PPHLN1: variants seen among roughly 807,000 people sequenced by gnomAD.
PPHLN1 encodes the protein periphilin 1.
In PPHLN1, 29 loss-of-function variants were observed where a neutral mutation model predicts 51.3. The observed-to-expected ratio is 0.57, with a 90% CI of 0.42 to 0.77. PPHLN1 has a LOEUF of 0.77. PPHLN1 is among the 30% of genes least tolerant of loss of function. The probability of loss-of-function intolerance (pLI) is 0.00; values close to 1 mark genes in which losing one functional copy is unlikely to be tolerated. For missense variants in PPHLN1, 436 were observed against 438.4 expected, an observed-to-expected ratio of 0.99 and a Z score of 0.05; for synonymous variants, 147 against 147.8, an observed-to-expected ratio of 0.99 and a Z score of 0.04.
At chr12:42,367,875 C>T (rs1236990005) in intron 4 of PPHLN1, among the ~76,000 whole-genome samples, 2 of 152,154 alleles carry the variant, frequency 1.3e-5, no homozygotes, top group African/African-American at 4.8e-5. Flanking sequence ...GCTGGGACTA[C>T]AGGTGTGCAC....
chr12:42,362,085 A>T (rs61926575), intron 4 of PPHLN1, among the ~76,000 whole-genome samples: 24,755 of 152,148 alleles, frequency 0.16, 2,068 homozygotes, highest in Admixed American at 0.2. Context: ...ACCATCCTCA[A>T]GAGTGTAAAG....
chr12:42,426,228 A>ACACACACACACACACACC (rs371819974), intron 9 of PPHLN1, among the ~76,000 whole-genome samples: 2 of 129,788 alleles, frequency 1.5e-5, no homozygotes, highest in Admixed American at 7.5e-5. Flanking sequence ...ACACACACAC[A>ACACACACACACACACACC]CCCTCATGCA....
intron 2 of PPHLN1, among the ~76,000 whole-genome samples, chr12:42,340,143 CAA>C (rs563098932): frequency 6.6e-6 from 1 of 151,436 alleles, no homozygotes; most frequent in Non-Finnish European, 1.5e-5. Flanking sequence ...CCTGTCTCTA[CAA>C]AAAATTTTAA....
chr12:42,340,179 A>C (rs563807676), intron 2 of PPHLN1, among the ~76,000 whole-genome samples: 1 of 151,888 alleles, frequency 6.6e-6, no homozygotes, highest in Non-Finnish European at 1.5e-5. Flanking sequence ...ATAGTAGCGC[A>C]TGCCTGTAGT....
At position 42,384,990 on chromosome 12, in the gene PPHLN1, G is replaced by A. The variant is rs2077072648; in HGVS notation, c.562G>A (p.Glu188Lys). Residue 188 changes from glutamate (E) to lysine (K), a missense_variant, in exon 6 of 10, where the codon GAA becomes AAA. Coordinates refer to ENST00000358314, the MANE Select transcript of PPHLN1 (RefSeq NM_201439.2). ...CAAACGGCAGAATGAAGGAAATCCTGAAAGAGGTGAGTTTTGAGCTAGACT... is the reference window on the plus strand; with the variant it reads ...CAAACGGCAGAATGAAGGAAATCCTAAAAGAGGTGAGTTTTGAGCTAGACT... ...SYKRQNEGNP[E>K]RDKERPVQSL... is the part of the protein sequence containing the mutation. 6.2e-7 allele frequency: 1 copy of A among 1,608,260 alleles called. No homozygotes were observed. The highest frequency in any genetic ancestry group is 8.5e-7 in the Non-Finnish European group (1 of 1,174,698).
intron 4 of PPHLN1, among the ~76,000 whole-genome samples, chr12:42,356,529 A>G (rs184538250): frequency 2.0e-5 from 3 of 152,306 alleles, no homozygotes; most frequent in East Asian, 1.9e-4. Context: ...AGCTACAGAA[A>G]CTGTTCAGTG....
chr12:42,367,988 C>T (rs1669914), intron 4 of PPHLN1, among the ~76,000 whole-genome samples: 41,725 of 152,116 alleles, frequency 0.27, 7,255 homozygotes, highest in Non-Finnish European at 0.38. Context: ...CATCCCGCCT[C>T]GGCCTCCCGA....
chr12:42,390,075 T>C (rs2077557157), intron 7 of PPHLN1, among the ~76,000 whole-genome samples: 1 of 152,218 alleles, frequency 6.6e-6, no homozygotes, highest in Non-Finnish European at 1.5e-5. Context: ...GGTTGTTACA[T>C]CTGTTACCTG....
chr12:42,334,703 C>T (rs2070326521), intron 1 of PPHLN1, among the ~76,000 whole-genome samples: 1 of 152,168 alleles, frequency 6.6e-6, no homozygotes, highest in Admixed American at 6.5e-5. Flanking sequence ...CTACCTGGAC[C>T]ATTTTCATTT....
chr12:42,415,660 G>A (rs1007932672), intron 9 of PPHLN1, among the ~76,000 whole-genome samples: 2 of 152,188 alleles, frequency 1.3e-5, no homozygotes, highest in African/African-American at 4.8e-5. Flanking sequence ...CACTGTATTA[G>A]CGTATCACTC....
At chr12:42,352,915 C>T (rs1337693338) in intron 3 of PPHLN1, among the ~76,000 whole-genome samples, 2 of 151,670 alleles carry the variant, frequency 1.3e-5, no homozygotes, top group African/African-American at 2.4e-5. Context: ...ATGGTGAAAC[C>T]CTGTCTCTAC....
chr12:42,404,579 T>C (rs368840918), intron 9 of PPHLN1, among the ~76,000 whole-genome samples: 3 of 145,666 alleles, frequency 2.1e-5, no homozygotes, highest in South Asian at 2.2e-4. Context: ...GTTTGTGATA[T>C]AGGTTTACCT....
chr12:42,378,696 A>G (rs1245204516), intron 5 of PPHLN1, among the ~76,000 whole-genome samples: 2 of 152,126 alleles, frequency 1.3e-5, no homozygotes, highest in African/African-American at 4.8e-5. Context: ...ACATTTTTAA[A>G]TTCAACTGCT....
At chr12:42,334,721 A>G (rs1441768534) in intron 1 of PPHLN1, among the ~76,000 whole-genome samples, 3 of 152,132 alleles carry the variant, frequency 2.0e-5, no homozygotes, top group African/African-American at 7.2e-5. Flanking sequence ...TTTTTTGCTC[A>G]TGGTGGTTCT....
chr12:42,332,813 C>T, intron 1 of PPHLN1: 1 of 558,856 alleles, frequency 1.8e-6, no homozygotes. Context: ...CTTTAGAACT[C>T]TTATTGTTTA....
At chr12:42,405,074 T>C (rs754712293) in intron 9 of PPHLN1, among the ~76,000 whole-genome samples, 5 of 152,322 alleles carry the variant, frequency 3.3e-5, no homozygotes, top group African/African-American at 1.2e-4. Context: ...TGGGGGACTT[T>C]GTGATTTTGC....
chr12:42,404,545 A>G (rs2079119384), intron 9 of PPHLN1, among the ~76,000 whole-genome samples: 1 of 152,072 alleles, frequency 6.6e-6, no homozygotes, highest in Non-Finnish European at 1.5e-5. Context: ...CAACAACAAC[A>G]ACAACAAAAA....
intron 9 of PPHLN1, among the ~76,000 whole-genome samples, chr12:42,401,514 G>A (rs2708069): frequency 6.6e-6 from 1 of 150,680 alleles, no homozygotes; most frequent in East Asian, 2.0e-4. Flanking sequence ...GCCATGGGGA[G>A]GGGGGAGGGA....
At chr12:42,398,730 CT>C (rs1238390773) in intron 8 of PPHLN1, 123 bp from the exon 9 acceptor site, 1 of 789,958 alleles carries the variant, frequency 1.3e-6, no homozygotes, top group African/African-American at 1.7e-5. Flanking sequence ...AGAGAGTTTT[CT>C]TTTCTTAAAA....
Sources: gnomAD v4.1 joint callset for allele counts (sites outside exome capture counted in the v4.1 genomes callset) on GRCh38, gnomAD v4.1.1 for gene constraint, MANE v1.5 for transcripts, NCBI Gene and HGNC (gene_info 2026-07-23, HGNC 2026-07-21) for gene names.